ACSL1: variants seen among roughly 807,000 people sequenced by gnomAD.
ACSL1 encodes the protein acyl-CoA synthetase long chain family member 1.
Under a neutral mutation model 98.4 loss-of-function variants are expected in ACSL1, and 41 were observed. The observed-to-expected ratio is 0.42, with a 90% CI of 0.32 to 0.54. The LOEUF (loss-of-function observed/expected upper bound fraction) is 0.54. Ranked by LOEUF, ACSL1 falls within the 20% of genes least tolerant of loss-of-function variation. The pLI is 0.13. For missense variants in ACSL1, 734 were observed against 883.1 expected, an observed-to-expected ratio of 0.83 and a Z score of 2.14; for synonymous variants, 316 against 322.7, an observed-to-expected ratio of 0.98 and a Z score of 0.22.
intron 3 of ACSL1, among the ~76,000 whole-genome samples, chr4:184,787,872 A>AG (rs1767670650): frequency 1.3e-5 from 2 of 150,680 alleles, no homozygotes; most frequent in South Asian, 4.2e-4. Flanking sequence ...CCAAAGAAAA[A>AG]AAAAAGTGCA....
chr4:184,802,217 T>C (rs977692347), intron 2 of ACSL1, among the ~76,000 whole-genome samples: 7 of 152,176 alleles, frequency 4.6e-5, no homozygotes, highest in Admixed American at 2.0e-4. Context: ...GAAGAATCTT[T>C]TATATATTTT....
At chr4:184,813,560 G>A (rs569032205) in intron 1 of ACSL1, 6 of 235,466 alleles carry the variant, frequency 2.5e-5, no homozygotes, top group African/African-American at 1.3e-4. Context: ...GGAAGAGTCG[G>A]AATTGTGTCT....
intron 2 of ACSL1, 84 bp from the exon 3 acceptor site, chr4:184,788,815 A>G (rs1245233691): frequency 4.0e-6 from 4 of 997,118 alleles, no homozygotes; most frequent in African/African-American, 1.6e-5. Flanking sequence ...TAATTAACAT[A>G]TCCATTCCTT....
chr4:184,765,225 C>T (rs1368870433), intron 14 of ACSL1, among the ~76,000 whole-genome samples: 1 of 152,210 alleles, frequency 6.6e-6, no homozygotes, highest in Non-Finnish European at 1.5e-5. Flanking sequence ...ATGTACCCCA[C>T]ACATGCCCCG....
intron 11 of ACSL1, 83 bp downstream of exon 11, chr4:184,770,316 C>G (rs1225999109): frequency 6.3e-7 from 1 of 1,576,554 alleles, no homozygotes; most frequent in East Asian, 2.4e-5. Context: ...GTCACTGGCA[C>G]TCAAGGGAAG....
At chr4:184,781,163 G>A (rs1336187338) in intron 4 of ACSL1, among the ~76,000 whole-genome samples, 4 of 148,446 alleles carry the variant, frequency 2.7e-5, no homozygotes, top group African/African-American at 7.5e-5. Context: ...CCCAGGAGGC[G>A]GAGTCTGCAG....
chr4:184,777,671 T>C (rs1765518230), intron 5 of ACSL1, among the ~76,000 whole-genome samples: 1 of 151,934 alleles, frequency 6.6e-6, no homozygotes. Context: ...TAATTAGCAA[T>C]AATTATCAGA....
At chr4:184,826,023 C>T (rs960634324), upstream of ACSL1, 2 of 147,936 alleles carry the variant, frequency 1.4e-5, no homozygotes, top group African/African-American at 4.9e-5. Context: ...GCCGCCTCGG[C>T]CCGCTGGTTG....
At chr4:184,785,872 C>T (rs531832205) in intron 3 of ACSL1, among the ~76,000 whole-genome samples, 3 of 152,328 alleles carry the variant, frequency 2.0e-5, no homozygotes, top group African/African-American at 7.2e-5. Context: ...CCTCAAATAA[C>T]GGCATTTCAT....
chr4:184,768,203 T>C (rs1579849127), intron 12 of ACSL1, 113 bp downstream of exon 12: 18 of 1,137,964 alleles, frequency 1.6e-5, no homozygotes, highest in South Asian at 7.0e-5. Flanking sequence ...TTCTGTAAGA[T>C]TGGGAGGATT....
In ACSL1 at chr4:184,756,233, G is replaced by C. The variant is rs1028953436; in HGVS notation, c.*892C>G. On this transcript the variant is annotated 3_prime_UTR_variant, in exon 21 of 21. Transcript: ENST00000281455. ...CTGTTGGCCTTTACACAGAGTGAGT[G>C]GTTCAGTGAAGATAAAGTAGACAGT... 1.3e-5 allele frequency: 2 copies of C among 152,618 alleles called. No individual in the cohort carries two copies. Among genetic ancestry groups the C allele is most frequent in the African/African-American group, 4.8e-5 (2 of 41,436 alleles). 9.5% of individuals were successfully genotyped at this position (152,618 alleles called of 1,614,324 possible).
rs543450562 is a variant in ACSL1, at chr4:184,770,187, C to T, written c.993+212G>A. ...AATTTATATTCTTTCAAATAATCTG[C>T]ACCATTTCTAAAACGGGGCTGAGCA... On this transcript the variant is annotated intron_variant, in intron 11 of 20. Transcript: ENST00000281455. 4 of 1,343,764 alleles carry T rather than the reference C, an allele frequency of 3.0e-6. No individual in the cohort carries two copies. The East Asian group carries it at 7.5e-5, about 25-fold the overall frequency. The allele number at this position is 1,343,764 out of a possible 1,614,324, so 83.2% of individuals were successfully genotyped here. A position where few individuals can be genotyped will look rare whatever the true frequency, so the allele number is the denominator to read the frequency against.
At chr4:184,811,348 G>A (rs1267596872) in intron 1 of ACSL1, among the ~76,000 whole-genome samples, 6 of 152,094 alleles carry the variant, frequency 3.9e-5, no homozygotes, top group East Asian at 1.9e-4. Flanking sequence ...TCCCGACTTT[G>A]TGATCTGCCC....
chr4:184,777,032 A>T, intron 5 of ACSL1, 49 bp from the exon 6 acceptor site: 3 of 1,486,568 alleles, frequency 2.0e-6, no homozygotes, highest in Non-Finnish European at 2.8e-6. Flanking sequence ...GTCATCATGT[A>T]ATCAATAAGG....
chr4:184,773,135 C>T lies in ACSL1; in HGVS notation c.861G>A (p.Met287Ile), dbSNP rs766789521. ...SGTTGNPKGA[M>I]VTHRNIVSDC... ...CGCTCACTATGTTTCGGTGAGTGACCATTGCTCCTTTGGGGTTGCCTGTGG... is the reference window on the plus strand; with the variant it reads ...CGCTCACTATGTTTCGGTGAGTGACTATTGCTCCTTTGGGGTTGCCTGTGG... Residue 287 changes from methionine (M) to isoleucine (I), a missense_variant, in exon 10 of 21, where the codon ATG becomes ATA. Met to Ile is a conservative substitution (Grantham distance 10). Transcript: ENST00000281455. This position sits in a 1 kb window ranked among gnomAD's most constrained non-coding sequence, Gnocchi z 4.3. The T allele has an allele frequency of 6.2e-7, 1 of 1,613,912 alleles. No homozygotes were observed. The highest frequency in any genetic ancestry group is 8.5e-7 in the Non-Finnish European group (1 of 1,179,804).
At position 184,774,474 on chromosome 4, in the gene ACSL1, C is replaced by T. The variant is rs185593564; in HGVS notation, c.757-599G>A. 2.9e-3 allele frequency among the ~76,000 whole-genome samples: 447 copies of T among 152,138 alleles called. 2 individuals carry two copies. Among genetic ancestry groups the T allele is most frequent in the Non-Finnish European group, 4.3e-3 (294 of 67,988 alleles). Reference sequence around the variant, plus strand: ...AATTATAAAACAGGCCACAGCAGACCCTCTAAGACTCCTTCCTGAATGGAC... The same window carrying T: ...AATTATAAAACAGGCCACAGCAGACTCTCTAAGACTCCTTCCTGAATGGAC... On this transcript the variant is annotated intron_variant, in intron 7 of 20. Transcript: ENST00000281455.
chr4:184,767,849 G>A (rs983147845), intron 12 of ACSL1, among the ~76,000 whole-genome samples: 2 of 152,212 alleles, frequency 1.3e-5, no homozygotes, highest in African/African-American at 4.8e-5. Flanking sequence ...CTTGGGCTCT[G>A]CTGTGGCTTA....
chr4:184,776,650 A>T lies in ACSL1; in HGVS notation c.590T>A (p.Leu197Gln). The T allele has an allele frequency of 6.2e-7, 1 of 1,611,230 alleles. No individual in the cohort carries two copies. Among genetic ancestry groups the T allele is most frequent in the South Asian group, 1.1e-5 (1 of 91,046 alleles). Reference protein sequence around the residue: ...TYIVNKAELSLVFVDKPEKAK... With the variant: ...TYIVNKAELSQVFVDKPEKAK... Reference sequence around the variant, plus strand: ...CTTCTCTGGCTTGTCAACAAAAACCAGAGAGAGTTCAGCTGTAAATGAAGA... The same window carrying T: ...CTTCTCTGGCTTGTCAACAAAAACCTGAGAGAGTTCAGCTGTAAATGAAGA... Residue 197 changes from leucine to glutamine, a missense_variant, in exon 7 of 21, where the codon CTG becomes CAG. Physicochemically the swap from Leu to Gln is moderately radical, Grantham distance 113. Transcript: ENST00000281455.
intron 1 of ACSL1, chr4:184,805,533 T>G: frequency 3.0e-6 from 3 of 985,556 alleles, no homozygotes; most frequent in Non-Finnish European, 3.6e-6. Flanking sequence ...TCACCATCTG[T>G]GCCACCAACA....
Sources: gnomAD v4.1 joint callset for allele counts (sites outside exome capture counted in the v4.1 genomes callset) on GRCh38, gnomAD v4.1.1 for gene constraint, Gnocchi (gnomAD v3.1) non-coding constraint, MANE v1.5 for transcripts, NCBI Gene and HGNC (gene_info 2026-07-23, HGNC 2026-07-21) for gene names.